Variants in PLAGL1 observed in about 807,000 individuals in gnomAD.
PLAGL1 encodes the protein PLAG1 like zinc finger 1.
Under a neutral mutation model 4.6 loss-of-function variants are expected in PLAGL1, and 1 was observed. The observed-to-expected ratio is 0.22, with a 90% confidence interval of 0.08 to 1.03. The LOEUF (loss-of-function observed/expected upper bound fraction) is 1.03. Ranked by LOEUF, PLAGL1 falls within the 50% of genes least tolerant of loss-of-function variation. PLAGL1 has a pLI of 0.58. For missense variants in PLAGL1, 464 were observed against 570.4 expected, an observed-to-expected ratio of 0.81 and a Z score of 1.90; for synonymous variants, 240 against 237.8, an observed-to-expected ratio of 1.01 and a Z score of -0.08.
At chr6:144,021,681 T>C (rs7773278) in intron 1 of PLAGL1, among the ~76,000 whole-genome samples, 28,785 of 152,178 alleles carry the variant, frequency 0.19, 2,838 homozygotes, top group Admixed American at 0.3. Context: ...CACTGACAGA[T>C]TTATTTCATT....
intron 1 of PLAGL1, among the ~76,000 whole-genome samples, chr6:144,021,184 C>T (rs963198005): frequency 4.0e-5 from 6 of 151,894 alleles, no homozygotes; most frequent in Non-Finnish European, 8.8e-5. Context: ...CAAACCTATG[C>T]GGTTTGAGCA....
At position 143,978,429 on chromosome 6, in the gene PLAGL1, G is replaced by T. The variant is rs977400881; in HGVS notation, c.-544+6706C>A. ...CTTGAGATTTTTCTTTGATCCATGG[G>T]TTATTTAGAAGCATACTGTTTAATT... On this transcript the variant is annotated intron_variant, in intron 2 of 7. Transcript: ENST00000674357. This position sits in a 1 kb window ranked among gnomAD's most constrained non-coding sequence, Gnocchi z 4.6. Among the ~76,000 whole-genome samples the T allele has an allele frequency of 3.3e-5, 5 of 152,008 alleles. No individual in the cohort carries two copies. Among genetic ancestry groups the T allele is most frequent in the South Asian group, 2.1e-4 (1 of 4,822 alleles).
rs1256073182 is a variant in PLAGL1 at position 143,942,789 on chromosome 6, T to G, written c.153-126A>C. The G allele has an allele frequency of 1.6e-6, 1 of 643,148 alleles. No homozygotes were observed. Among genetic ancestry groups the G allele is most frequent in the Non-Finnish European group, 2.5e-6 (1 of 394,388 alleles). 39.8% of individuals were successfully genotyped at this position (643,148 alleles called of 1,614,324 possible). On this transcript the variant is annotated intron_variant, in intron 7 of 7. Coordinates refer to ENST00000674357, the MANE Select transcript of PLAGL1 (RefSeq NM_001317162.2). This position sits in a 1 kb window ranked among gnomAD's most constrained non-coding sequence, Gnocchi z 7.6. Reference sequence around the variant, plus strand: ...GTCTTGGTATAATTTTCAAAATTCTTTCATATATTTTCCAAATATATAAAC... The same window carrying G: ...GTCTTGGTATAATTTTCAAAATTCTGTCATATATTTTCCAAATATATAAAC...
In PLAGL1 at chr6:144,063,070, G is replaced by C. The variant is rs1214792682; in HGVS notation, c.-151+1398C>G. Among the ~76,000 whole-genome samples the C allele has an allele frequency of 6.6e-6, 1 of 152,170 alleles. No individual in the cohort carries two copies. The highest frequency in any genetic ancestry group is 2.4e-5 in the African/African-American group (1 of 41,438). On this transcript the variant is annotated intron_variant, in intron 1 of 3. Transcript: ENST00000437412. The surrounding 1 kb of genome is among the most constrained non-coding windows in gnomAD (Gnocchi z 5.7). ...TTTACACCAACGTTGTCACAGAGTT[G>C]ATCACCTGAAAACCAGCCCTCCTTT...
intron 7 of PLAGL1, among the ~76,000 whole-genome samples, chr6:143,944,666 G>C (rs910493785): frequency 1.1e-4 from 17 of 152,092 alleles, no homozygotes; most frequent in African/African-American, 3.9e-4. Context: ...AGGGTTTTTA[G>C]AGCATGTTAG....
At position 143,995,825 on chromosome 6, in the gene PLAGL1, G is replaced by A. The variant is rs755049517; in HGVS notation, c.-583-10651C>T. Among the ~76,000 whole-genome samples, 36 of 151,880 alleles carry A rather than the reference G, an allele frequency of 2.4e-4. No homozygotes were observed. Among genetic ancestry groups the A allele is most frequent in the Non-Finnish European group, 3.4e-4 (23 of 67,990 alleles). On this transcript the variant is annotated intron_variant, in intron 1 of 7. Coordinates refer to ENST00000674357, the MANE Select transcript of PLAGL1 (RefSeq NM_001317162.2). The surrounding 1 kb of genome is among the most constrained non-coding windows in gnomAD (Gnocchi z 4.4). ...CTCAAATCTTAATTATAAAACAGAG[G>A]TTTTTGTTTCAAAGCCCAGTAATAA...
chr6:143,989,638 T>C lies in PLAGL1; in HGVS notation c.-583-4464A>G, dbSNP rs1297715012. On this transcript the variant is annotated intron_variant, in intron 1 of 7. Coordinates refer to ENST00000674357, the MANE Select transcript of PLAGL1 (RefSeq NM_001317162.2). The surrounding 1 kb of genome is among the most constrained non-coding windows in gnomAD (Gnocchi z 4.8). ...AGTCTCCAGCTTGCAGACAGTTGAC[T>C]GTGGGATTTCTCAGCCTTCATAATC... 2.0e-5 allele frequency among the ~76,000 whole-genome samples: 3 copies of C among 152,204 alleles called. No individual in the cohort carries two copies. Among genetic ancestry groups the C allele is most frequent in the African/African-American group, 7.2e-5 (3 of 41,452 alleles).
intron 1 of PLAGL1, among the ~76,000 whole-genome samples, chr6:143,987,747 A>T (rs1789542109): frequency 6.6e-6 from 1 of 152,114 alleles, no homozygotes; most frequent in African/African-American, 2.4e-5. Context: ...GACTTTTATA[A>T]GCATTATTAT....
rs111446575 is a variant in PLAGL1, at chr6:143,957,109, A to C, written c.-325+3360T>G. The stretch of plus-strand genomic sequence containing the variant: ...TCTTGGATCTTTGACAGGCCTCCTC[A>C]CCTCTCCCCACCATATGCATTGTAT... On this transcript the variant is annotated intron_variant, in intron 6 of 7. Coordinates refer to ENST00000674357, the MANE Select transcript of PLAGL1 (RefSeq NM_001317162.2). The surrounding 1 kb of genome is among the most constrained non-coding windows in gnomAD (Gnocchi z 4.2). 0.013 allele frequency among the ~76,000 whole-genome samples: 1,965 copies of C among 152,304 alleles called. 30 individuals carry two copies. The highest frequency in any genetic ancestry group is 0.043 in the African/African-American group (1,805 of 41,560).
At position 143,982,009 on chromosome 6, in the gene PLAGL1, C is replaced by T. The variant is rs537228531; in HGVS notation, c.-544+3126G>A. 4.6e-5 allele frequency among the ~76,000 whole-genome samples: 7 copies of T among 152,216 alleles called. No homozygotes were observed. Among genetic ancestry groups the T allele is most frequent in the Admixed American group, 1.3e-4 (2 of 15,284 alleles). ...GTTTTTCCTGGCATTGTTCTAGGTG[C>T]TGGGGATTCACCACTGTGAACAAAA... On this transcript the variant is annotated intron_variant, in intron 2 of 7. Transcript: ENST00000674357. This position sits in a 1 kb window ranked among gnomAD's most constrained non-coding sequence, Gnocchi z 5.3.
At chr6:143,993,468 A>G (rs1363749346) in intron 1 of PLAGL1, among the ~76,000 whole-genome samples, 1 of 152,140 alleles carries the variant, frequency 6.6e-6, no homozygotes, top group Non-Finnish European at 1.5e-5. Context: ...AGGAAGTGAA[A>G]GGGAGTGAGG....
At position 143,982,771 on chromosome 6, in the gene PLAGL1, T is replaced by C. The variant is rs1004296130; in HGVS notation, c.-544+2364A>G. ...GGATGCTGCAAAGGCACCTGGCCTG[T>C]GCAACTGGAAGAAGAGTCTTCCTCA... On this transcript the variant is annotated intron_variant, in intron 2 of 7. Coordinates refer to ENST00000674357, the MANE Select transcript of PLAGL1 (RefSeq NM_001317162.2). This position sits in a 1 kb window ranked among gnomAD's most constrained non-coding sequence, Gnocchi z 5.3. 9.9e-5 allele frequency among the ~76,000 whole-genome samples: 15 copies of C among 152,076 alleles called. No individual in the cohort carries two copies. The highest frequency in any genetic ancestry group is 3.6e-4 in the African/African-American group (15 of 41,408).
Position 143,964,836 on chromosome 6 carries a change from C to T in PLAGL1, c.-430-18G>A, listed in dbSNP as rs1046959058. 1.3e-5 allele frequency: 2 copies of T among 152,222 alleles called. No individual in the cohort carries two copies. The highest frequency in any genetic ancestry group is 4.8e-5 in the African/African-American group (2 of 41,436). 9.4% of individuals were successfully genotyped at this position (152,222 alleles called of 1,614,324 possible). A position where few individuals can be genotyped will look rare whatever the true frequency, so the allele number is the denominator to read the frequency against. On this transcript the variant is annotated intron_variant, in intron 4 of 7. Coordinates refer to ENST00000674357, the MANE Select transcript of PLAGL1 (RefSeq NM_001317162.2). This position sits in a 1 kb window ranked among gnomAD's most constrained non-coding sequence, Gnocchi z 4.3. ...GCAAATACCTAGAAAGGGAGAGACA[C>T]ACAAAGTTATCTTTAAGGTCTTTAT...
chr6:143,977,656 T>A (rs1337850892), intron 2 of PLAGL1, among the ~76,000 whole-genome samples: 1 of 151,694 alleles, frequency 6.6e-6, no homozygotes, highest in Non-Finnish European at 1.5e-5. Flanking sequence ...CCCACCATCA[T>A]GCCAGGCTAA....
At chr6:144,025,156 C>G (rs1796243958) in intron 1 of PLAGL1, among the ~76,000 whole-genome samples, 1 of 152,186 alleles carries the variant, frequency 6.6e-6, no homozygotes, top group Non-Finnish European at 1.5e-5. Context: ...TACCCTTTTC[C>G]TTTACTTTTG....
chr6:144,040,500 G>A (rs999421651), intron 1 of PLAGL1, among the ~76,000 whole-genome samples: 6 of 152,034 alleles, frequency 3.9e-5, no homozygotes, highest in Non-Finnish European at 7.4e-5. Context: ...CTACACTCTA[G>A]CCTGGGTGAC....
chr6:144,020,689 T>A (rs1795903791), intron 1 of PLAGL1, among the ~76,000 whole-genome samples: 1 of 150,864 alleles, frequency 6.6e-6, no homozygotes, highest in African/African-American at 2.4e-5. Flanking sequence ...CAAGTGATCC[T>A]CCTGCCTAAG....
chr6:143,974,700 C>T (rs1260561195), intron 2 of PLAGL1, among the ~76,000 whole-genome samples: 3 of 152,152 alleles, frequency 2.0e-5, no homozygotes, highest in Admixed American at 6.5e-5. Context: ...TCCAAAATCA[C>T]GACAGAAATA....
chr6:143,993,331 AACAC>A (rs746624620), intron 1 of PLAGL1, among the ~76,000 whole-genome samples: 5,532 of 142,172 alleles, frequency 0.039, 182 homozygotes, highest in Admixed American at 0.087. Flanking sequence ...AACAAAACAA[AACAC>A]ACACACACAC....
Sources: allele counts gnomAD v4.1 joint callset (sites outside exome capture counted in the v4.1 genomes callset), GRCh38; gene constraint gnomAD v4.1.1; non-coding constraint Gnocchi (gnomAD v3.1); transcripts MANE v1.5; gene names NCBI Gene and HGNC (gene_info 2026-07-23, HGNC 2026-07-21).